The following NXPH1 variants were observed in gnomAD, a reference collection of about 807,000 sequenced individuals.
NXPH1 encodes the protein neurexophilin 1, also known as neurexophilin-1.
NXPH1 carries 5 observed loss-of-function variants against 23.7 expected under a neutral mutation model. The ratio of observed to expected loss-of-function variants is 0.21; its 90% CI spans 0.11 to 0.44. The LOEUF (loss-of-function observed/expected upper bound fraction) is 0.44, where lower values mean the gene tolerates loss of function less well. NXPH1 is among the 20% of genes least tolerant of loss of function. The probability of loss-of-function intolerance (pLI) is 0.99; values close to 1 mark genes in which losing one functional copy is unlikely to be tolerated. For missense variants in NXPH1, 324 were observed against 321.6 expected, an observed-to-expected ratio of 1.01 and a Z score of -0.06; for synonymous variants, 144 against 122.2, an observed-to-expected ratio of 1.18 and a Z score of -1.18.
chr7:8,464,014 C>T (rs1816736459), intron 2 of NXPH1, among the ~76,000 whole-genome samples: 1 of 151,980 alleles, frequency 6.6e-6, no homozygotes, highest in Admixed American at 6.6e-5. Flanking sequence ...AGACGTCTCT[C>T]CTCTTCCTCC....
intron 2 of NXPH1, among the ~76,000 whole-genome samples, chr7:8,488,037 A>T (rs547553552): frequency 1.3e-5 from 2 of 152,306 alleles, no homozygotes; most frequent in South Asian, 4.1e-4. Flanking sequence ...AGGCTCTGCC[A>T]CCAGATTATA....
chr7:8,747,633 GC>G (rs1780493590), intron 2 of NXPH1, among the ~76,000 whole-genome samples: 1 of 152,094 alleles, frequency 6.6e-6, no homozygotes, highest in African/African-American at 2.4e-5. Flanking sequence ...ATAATTCCAG[GC>G]AAAAGCCAGA....
intron 2 of NXPH1, among the ~76,000 whole-genome samples, chr7:8,578,633 A>G (rs546769038): frequency 4.1e-4 from 63 of 152,338 alleles, no homozygotes; most frequent in African/African-American, 1.3e-3. Context: ...CAGGCTGGTC[A>G]TGAACTAGGT....
At chr7:8,457,136 ACT>A (rs1816609878) in intron 2 of NXPH1, among the ~76,000 whole-genome samples, 1 of 152,014 alleles carries the variant, frequency 6.6e-6, no homozygotes, top group Non-Finnish European at 1.5e-5. Flanking sequence ...GTGTTTTCAA[ACT>A]CTTTACCTGT....
At chr7:8,691,488 T>C (rs955815803) in intron 2 of NXPH1, among the ~76,000 whole-genome samples, 1 of 152,116 alleles carries the variant, frequency 6.6e-6, no homozygotes, top group Non-Finnish European at 1.5e-5. Flanking sequence ...CAAAAACAAA[T>C]TAAGGAATTT....
chr7:8,554,324 A>T (rs1487249931), intron 2 of NXPH1, among the ~76,000 whole-genome samples: 5 of 151,642 alleles, frequency 3.3e-5, no homozygotes, highest in African/African-American at 1.2e-4. Context: ...AAACCTGGGG[A>T]TGATGCACTT....
At chr7:8,659,797 G>A (rs2115160620) in intron 2 of NXPH1, among the ~76,000 whole-genome samples, 1 of 152,290 alleles carries the variant, frequency 6.6e-6, no homozygotes. Context: ...AATGCATTGT[G>A]TTATTTTTTC....
intron 2 of NXPH1, among the ~76,000 whole-genome samples, chr7:8,610,914 A>G (rs1486227162): frequency 2.0e-5 from 3 of 152,062 alleles, no homozygotes; most frequent in African/African-American, 7.2e-5. Context: ...GCATGGAACA[A>G]GTGTGCTGGG....
intron 2 of NXPH1, among the ~76,000 whole-genome samples, chr7:8,465,901 G>C (rs973686195): frequency 6.6e-6 from 1 of 152,168 alleles, no homozygotes; most frequent in East Asian, 1.9e-4. Context: ...GCCTTGAAAA[G>C]CAAAGAGAAT....
intron 2 of NXPH1, among the ~76,000 whole-genome samples, chr7:8,502,522 G>A (rs1358722178): frequency 1.3e-5 from 2 of 151,816 alleles, no homozygotes; most frequent in African/African-American, 4.8e-5. Flanking sequence ...AAACCACACA[G>A]TAATTTGAGT....
intron 2 of NXPH1, among the ~76,000 whole-genome samples, chr7:8,616,852 T>G (rs1290478480): frequency 3.1e-5 from 4 of 129,592 alleles, no homozygotes; most frequent in Middle Eastern, 3.6e-3. Context: ...CAAGTTTATG[T>G]TAAAAAAAAA....
At chr7:8,707,541 G>C (rs879774375) in intron 2 of NXPH1, among the ~76,000 whole-genome samples, 1 of 152,026 alleles carries the variant, frequency 6.6e-6, no homozygotes. Context: ...GGAATATGGT[G>C]CTTTCCACTT....
chr7:8,682,100 C>G (rs1173603468), intron 2 of NXPH1, among the ~76,000 whole-genome samples: 1 of 152,064 alleles, frequency 6.6e-6, no homozygotes, highest in Admixed American at 6.6e-5. Context: ...ATCACCTTCA[C>G]CTTTGTGCTT....
At position 8,435,548 on chromosome 7, in the gene NXPH1, G is replaced by T; in HGVS notation, c.-110-56G>T. The T allele has an allele frequency of 3.9e-5, 22 of 561,064 alleles. No individual in the cohort carries two copies. The highest frequency in any genetic ancestry group is 4.8e-5 in the South Asian group (2 of 41,722). The allele number at this position is 561,064 out of a possible 1,614,324, so 34.8% of individuals were successfully genotyped here. On this transcript the variant is annotated intron_variant, in intron 1 of 2. Transcript: ENST00000405863. The surrounding 1 kb of genome is among the most constrained non-coding windows in gnomAD (Gnocchi z 5.9). Reference sequence around the variant, plus strand: ...TACGACCCCCTTTCCCCGCTTGATTGTCAAGCCTAACCTTGCCCGCGTAGT... The same window carrying T: ...TACGACCCCCTTTCCCCGCTTGATTTTCAAGCCTAACCTTGCCCGCGTAGT...
rs945681880 is a variant in NXPH1, at chr7:8,645,173, G to A, written c.55-105835G>A. ...TCGAATGCACACAAAGAATTCTTACGGTTTATACAAATAGGGTTAGAATGA... is the reference window on the plus strand; with the variant it reads ...TCGAATGCACACAAAGAATTCTTACAGTTTATACAAATAGGGTTAGAATGA... On this transcript the variant is annotated intron_variant, in intron 2 of 2. Coordinates refer to ENST00000405863, the MANE Select transcript of NXPH1 (RefSeq NM_152745.3). Among the ~76,000 whole-genome samples, 52 of 151,966 alleles carry A rather than the reference G, an allele frequency of 3.4e-4. 1 individual carries two copies. The highest frequency in any genetic ancestry group is 1.9e-4 in the East Asian group (1 of 5,196).
chr7:8,623,120 G>C (rs1265097373), intron 2 of NXPH1, among the ~76,000 whole-genome samples: 1 of 152,064 alleles, frequency 6.6e-6, no homozygotes, highest in African/African-American at 2.4e-5. Flanking sequence ...AGTGGGTCAG[G>C]GCCAGCTTGA....
intron 2 of NXPH1, among the ~76,000 whole-genome samples, chr7:8,734,461 G>T (rs549292098): frequency 6.6e-6 from 1 of 152,204 alleles, no homozygotes; most frequent in Admixed American, 6.5e-5. Flanking sequence ...AAATTACTTT[G>T]GGCAATATGG....
At position 8,473,903 on chromosome 7, in the gene NXPH1, A is replaced by T. The variant is rs117796113; in HGVS notation, c.54+38136A>T. Among the ~76,000 whole-genome samples the T allele has an allele frequency of 4.8e-3, 724 of 152,156 alleles. 7 individuals are homozygous for T. Among genetic ancestry groups the T allele is most frequent in the Non-Finnish European group, 8.5e-3 (580 of 67,984 alleles). On this transcript the variant is annotated intron_variant, in intron 2 of 2. Transcript: ENST00000405863. Reference sequence around the variant, plus strand: ...GGATGTCATTTCTCTTTTATAGGCTACTCAGATTTCATTTTCCACTTGAAC... The same window carrying T: ...GGATGTCATTTCTCTTTTATAGGCTTCTCAGATTTCATTTTCCACTTGAAC...
rs529543563 is a variant in NXPH1 at position 8,678,623 on chromosome 7, C to G, written c.55-72385C>G. Reference sequence around the variant, plus strand: ...CCAAAAATCTCTTATTAATCTCACTCCCACTGCTCTCAGCCAAGTCACAGG... The same window carrying G: ...CCAAAAATCTCTTATTAATCTCACTGCCACTGCTCTCAGCCAAGTCACAGG... On this transcript the variant is annotated intron_variant, in intron 2 of 2. Coordinates refer to ENST00000405863, the MANE Select transcript of NXPH1 (RefSeq NM_152745.3). Among the ~76,000 whole-genome samples the G allele has an allele frequency of 5.3e-5, 8 of 152,212 alleles. No homozygotes were observed. In the East Asian group the frequency reaches 1.2e-3, roughly 22 times the overall value.
Sources: allele counts gnomAD v4.1 joint callset (sites outside exome capture counted in the v4.1 genomes callset), GRCh38; gene constraint gnomAD v4.1.1; non-coding constraint Gnocchi (gnomAD v3.1); transcripts MANE v1.5; gene names NCBI Gene and HGNC (gene_info 2026-07-23, HGNC 2026-07-21).